RPL37: variants seen among roughly 807,000 people sequenced by gnomAD.
RPL37 encodes large ribosomal subunit protein eL37.
A neutral mutation model predicts 14.8 loss-of-function variants in RPL37; 1 was observed. The ratio of observed to expected loss-of-function variants is 0.07; its 90% CI spans 0.02 to 0.32. RPL37 has a LOEUF of 0.32. Among genes scored for constraint, RPL37 ranks in the 10% least tolerant of loss-of-function variants. The pLI is 1.00. For synonymous variants in RPL37, 53 were observed against 45.8 expected, an observed-to-expected ratio of 1.16 and a Z score of -0.63; for missense variants, 100 against 128.3, an observed-to-expected ratio of 0.78 and a Z score of 1.06.
intron 2 of RPL37, 61 bp from the exon 3 acceptor site, chr5:40,834,326 G>T (rs1232987989): frequency 1.9e-6 from 3 of 1,561,336 alleles, no homozygotes; most frequent in Admixed American, 1.7e-5. Flanking sequence ...TGTAGGTGTT[G>T]TTAACACACG....
intron 3 of RPL37, among the ~76,000 whole-genome samples, chr5:40,833,365 C>A (rs958041224): frequency 6.6e-6 from 1 of 152,182 alleles, no homozygotes; most frequent in Non-Finnish European, 1.5e-5. Flanking sequence ...AACATAGTAA[C>A]GGAAGGAGCA....
At chr5:40,833,094 T>C (rs753015587) in intron 3 of RPL37, among the ~76,000 whole-genome samples, 6 of 152,206 alleles carry the variant, frequency 3.9e-5, no homozygotes, top group South Asian at 2.1e-4. Context: ...TTAACTCCTA[T>C]ATTGTACTAA....
Position 40,828,966 on chromosome 5 carries a change from T to G in RPL37, c.*3538A>C, listed in dbSNP as rs529504582. 2.8e-4 allele frequency: 43 copies of G among 152,312 alleles called. No individual in the cohort carries two copies. Among genetic ancestry groups the G allele is most frequent in the African/African-American group, 1.0e-3 (42 of 41,544 alleles). 9.4% of individuals were successfully genotyped at this position (152,312 alleles called of 1,614,324 possible). A position where few individuals can be genotyped will look rare whatever the true frequency, so the allele number is the denominator to read the frequency against. ...TTTGAGACTCTAAATTATCTTTTTG[T>G]TTTTGGAGTCTGTAAATTCACAAAT... is the stretch of plus-strand genomic sequence containing the variant. On this transcript the variant is annotated 3_prime_UTR_variant, in exon 4 of 4. Coordinates refer to ENST00000274242, the MANE Select transcript of RPL37 (RefSeq NM_000997.5).
rs1004259876 is a variant in RPL37, at chr5:40,830,297, G to A, written c.*2207C>T. 3 of 152,162 alleles carry A rather than the reference G, an allele frequency of 2.0e-5. No individual in the cohort carries two copies. The highest frequency in any genetic ancestry group is 4.4e-5 in the Non-Finnish European group (3 of 68,032). 9.4% of individuals were successfully genotyped at this position (152,162 alleles called of 1,614,324 possible). Reference sequence around the variant, plus strand: ...CTATAACTTAAGGCAGGACTGAAGTGCTGTTAAAGATAGAAATATAGACAA... The same window carrying A: ...CTATAACTTAAGGCAGGACTGAAGTACTGTTAAAGATAGAAATATAGACAA... On this transcript the variant is annotated 3_prime_UTR_variant, in exon 4 of 4. Coordinates refer to ENST00000274242, the MANE Select transcript of RPL37 (RefSeq NM_000997.5).
chr5:40,834,354 T>C, intron 2 of RPL37, 89 bp from the exon 3 acceptor site: 1 of 1,556,850 alleles, frequency 6.4e-7, no homozygotes, highest in South Asian at 1.1e-5. Flanking sequence ...TGCCACCTCA[T>C]CGGCATACAG....
Position 40,829,767 on chromosome 5 carries a change from G to A in RPL37, c.*2737C>T, listed in dbSNP as rs1745599540. ...AGCTCACCGCAACCTCCGTCTCCCAGGTTCAAGCAATTCTCCTGCCTCAGC... is the reference window on the plus strand; with the variant it reads ...AGCTCACCGCAACCTCCGTCTCCCAAGTTCAAGCAATTCTCCTGCCTCAGC... On this transcript the variant is annotated 3_prime_UTR_variant, in exon 4 of 4. Coordinates refer to ENST00000274242, the MANE Select transcript of RPL37 (RefSeq NM_000997.5). 6.6e-6 allele frequency: 1 copy of A among 151,952 alleles called. No homozygotes were observed. Among genetic ancestry groups the A allele is most frequent in the South Asian group, 2.1e-4 (1 of 4,826 alleles). 9.4% of individuals were successfully genotyped at this position (151,952 alleles called of 1,614,324 possible). A position where few individuals can be genotyped will look rare whatever the true frequency, so the allele number is the denominator to read the frequency against.
chr5:40,834,730 C>T lies in RPL37; in HGVS notation c.4-124G>A. 4 of 1,110,286 alleles carry T rather than the reference C, an allele frequency of 3.6e-6. No individual in the cohort carries two copies. The South Asian group carries it at 6.2e-5, about 17-fold the overall frequency. 68.8% of individuals were successfully genotyped at this position (1,110,286 alleles called of 1,614,324 possible). ...GTAAAGATCGAAACTGCGGGAGAAGCCTCTTTCCACGAATGCCAAGTCAGA... is the reference window on the plus strand; with the variant it reads ...GTAAAGATCGAAACTGCGGGAGAAGTCTCTTTCCACGAATGCCAAGTCAGA... On this transcript the variant is annotated intron_variant, in intron 1 of 3. Coordinates refer to ENST00000274242, the MANE Select transcript of RPL37 (RefSeq NM_000997.5).
chr5:40,834,748 AAGTC>A, intron 1 of RPL37, 142 bp from the exon 2 acceptor site: 1 of 946,332 alleles, frequency 1.1e-6, no homozygotes, highest in South Asian at 1.7e-5. Flanking sequence ...CACGAATGCC[AAGTC>A]AGAGACCACT....
chr5:40,834,743 A>T, intron 1 of RPL37, 137 bp from the exon 2 acceptor site: 1 of 997,512 alleles, frequency 1.0e-6, no homozygotes, highest in Non-Finnish European at 1.5e-6. Context: ...CTTTCCACGA[A>T]TGCCAAGTCA....
Position 40,827,965 on chromosome 5 carries a change from AAAAT to A in RPL37, c.*4535_*4538del. On this transcript the variant is annotated 3_prime_UTR_variant, in exon 4 of 4. Transcript: ENST00000274242. ...TGATCCAAACTCCTTTGTTTAAAAA[AAAAT>A]AAAACACCTAAATATAATCCAAATG... 6.6e-6 allele frequency: 1 copy of A among 151,940 alleles called. No homozygotes were observed. The highest frequency in any genetic ancestry group is 1.5e-5 in the Non-Finnish European group (1 of 67,950). The allele number at this position is 151,940 out of a possible 1,614,324, so 9.4% of individuals were successfully genotyped here. A position where few individuals can be genotyped will look rare whatever the true frequency, so the allele number is the denominator to read the frequency against.
rs1219105429 is a variant in RPL37, at chr5:40,829,847, G to C, written c.*2657C>G. 6.6e-6 allele frequency: 1 copy of C among 152,044 alleles called. No homozygotes were observed. The allele number at this position is 152,044 out of a possible 1,614,324, so 9.4% of individuals were successfully genotyped here. ...ACCACCACGCCCGGCTAATATTTTT[G>C]TATTTTTAGTAGAGACGGGGTTTCT... On this transcript the variant is annotated 3_prime_UTR_variant, in exon 4 of 4. Coordinates refer to ENST00000274242, the MANE Select transcript of RPL37 (RefSeq NM_000997.5).
chr5:40,827,832 C>T lies in RPL37; in HGVS notation c.*4672G>A, dbSNP rs1221762206. Reference sequence around the variant, plus strand: ...GCTCAAGCGATTCTCTCGCCTCAGCCTCCTGAGTAGCTGGGATTACAGGTG... The same window carrying T: ...GCTCAAGCGATTCTCTCGCCTCAGCTTCCTGAGTAGCTGGGATTACAGGTG... On this transcript the variant is annotated 3_prime_UTR_variant, in exon 4 of 4. Coordinates refer to ENST00000274242, the MANE Select transcript of RPL37 (RefSeq NM_000997.5). 1 of 152,186 alleles carries T rather than the reference C, an allele frequency of 6.6e-6. No individual in the cohort carries two copies. The highest frequency in any genetic ancestry group is 1.5e-5 in the Non-Finnish European group (1 of 68,118). 9.4% of individuals were successfully genotyped at this position (152,186 alleles called of 1,614,324 possible). A position where few individuals can be genotyped will look rare whatever the true frequency, so the allele number is the denominator to read the frequency against.
rs192361699 is a variant in RPL37, at chr5:40,833,258, C to T, written c.225-685G>A. On this transcript the variant is annotated intron_variant, in intron 3 of 3. Transcript: ENST00000274242. Reference sequence around the variant, plus strand: ...ACTCCGGAGACTGAGTGGGTAGAGGCTAGGGATTCTGCAAAATATTCAATT... The same window carrying T: ...ACTCCGGAGACTGAGTGGGTAGAGGTTAGGGATTCTGCAAAATATTCAATT... Among the ~76,000 whole-genome samples, 515 of 152,290 alleles carry T rather than the reference C, an allele frequency of 3.4e-3. 10 individuals are homozygous for T. The highest frequency in any genetic ancestry group is 7.5e-4 in the Non-Finnish European group (51 of 68,030).
In RPL37 at chr5:40,831,089, A is replaced by T. The variant is rs1401356500; in HGVS notation, c.*1415T>A. 6.6e-6 allele frequency: 1 copy of T among 152,032 alleles called. No individual in the cohort carries two copies. The highest frequency in any genetic ancestry group is 1.5e-5 in the Non-Finnish European group (1 of 68,046). 9.4% of individuals were successfully genotyped at this position (152,032 alleles called of 1,614,324 possible). On this transcript the variant is annotated 3_prime_UTR_variant, in exon 4 of 4. Transcript: ENST00000274242. ...AAACCCAGTCTCTACTAAGAATACA[A>T]AAAGAATTAGTCGAGTGAATCTCCA...
In RPL37 at chr5:40,828,959, C is replaced by G. The variant is rs1270462747; in HGVS notation, c.*3545G>C. ...ATCTTACTTTGAGACTCTAAATTAT[C>G]TTTTTGTTTTTGGAGTCTGTAAATT... On this transcript the variant is annotated 3_prime_UTR_variant, in exon 4 of 4. Coordinates refer to ENST00000274242, the MANE Select transcript of RPL37 (RefSeq NM_000997.5). 1 of 152,202 alleles carries G rather than the reference C, an allele frequency of 6.6e-6. No individual in the cohort carries two copies. Among genetic ancestry groups the G allele is most frequent in the Non-Finnish European group, 1.5e-5 (1 of 68,034 alleles). The allele number at this position is 152,202 out of a possible 1,614,324, so 9.4% of individuals were successfully genotyped here. A position where few individuals can be genotyped will look rare whatever the true frequency, so the allele number is the denominator to read the frequency against.
rs539964063 is a variant in RPL37 at position 40,826,587 on chromosome 5, G to C, written c.*5917C>G. On this transcript the variant is annotated 3_prime_UTR_variant, in exon 4 of 4. Transcript: ENST00000274242. ...TTCAGAGAGCTTTGAAATGTGTTTC[G>C]TACAACCATTTAGCTGGGGAGCCCA... The C allele has an allele frequency of 6.6e-6, 1 of 152,194 alleles. No homozygotes were observed. Among genetic ancestry groups the C allele is most frequent in the African/African-American group, 2.4e-5 (1 of 41,456 alleles). The allele number at this position is 152,194 out of a possible 1,614,324, so 9.4% of individuals were successfully genotyped here. A position where few individuals can be genotyped will look rare whatever the true frequency, so the allele number is the denominator to read the frequency against.
intron 2 of RPL37, 77 bp downstream of exon 2, chr5:40,834,394 A>G (rs1745716540): frequency 1.9e-6 from 3 of 1,585,196 alleles, no homozygotes; most frequent in African/African-American, 1.4e-5. Flanking sequence ...GGCACCAAAT[A>G]AAGTTCAAAC....
In RPL37 at chr5:40,829,945, G is replaced by A. The variant is rs994087308; in HGVS notation, c.*2559C>T. 1 of 152,042 alleles carries A rather than the reference G, an allele frequency of 6.6e-6. No homozygotes were observed. Among genetic ancestry groups the A allele is most frequent in the Non-Finnish European group, 1.5e-5 (1 of 68,036 alleles). 9.4% of individuals were successfully genotyped at this position (152,042 alleles called of 1,614,324 possible). ...CCACCTTGGCCTCCCAAAGTGCTGCGACTATAGGACGTGAGCTACCGTACC... is the reference window on the plus strand; with the variant it reads ...CCACCTTGGCCTCCCAAAGTGCTGCAACTATAGGACGTGAGCTACCGTACC... On this transcript the variant is annotated 3_prime_UTR_variant, in exon 4 of 4. Transcript: ENST00000274242.
At chr5:40,834,058 A>C (rs1166267629) in intron 3 of RPL37, 123 bp downstream of exon 3, 1 of 731,244 alleles carries the variant, frequency 1.4e-6, no homozygotes, top group Non-Finnish European at 2.3e-6. Flanking sequence ...AACAACAATA[A>C]ATAAAAAGCT....
Sources: allele counts gnomAD v4.1 joint callset (sites outside exome capture counted in the v4.1 genomes callset), GRCh38; gene constraint gnomAD v4.1.1; transcripts MANE v1.5; gene names NCBI Gene and HGNC (gene_info 2026-07-23, HGNC 2026-07-21).